The following QTMAN variants were observed in gnomAD, a reference collection of about 807,000 sequenced individuals.
The protein encoded by QTMAN is tRNA-queuosine alpha-mannosyltransferase.
the QTMAN span, among the ~76,000 whole-genome samples, chr2:144,024,889 A>C: frequency 6.6e-6 from 1 of 152,202 alleles, no homozygotes; most frequent in Admixed American, 6.5e-5. Flanking sequence ...ACTATTTAAA[A>C]AGTAATATGC....
At chr2:144,145,903 G>C in the QTMAN span, 3,322 of 233,016 alleles carry the variant, frequency 0.014, 27 homozygotes, top group Middle Eastern at 0.023. Context: ...TCTAAGTTTT[G>C]ATCTCTTAAA....
chr2:143,954,741 C>T, the QTMAN span, among the ~76,000 whole-genome samples: 1 of 151,944 alleles, frequency 6.6e-6, no homozygotes, highest in East Asian at 1.9e-4. Flanking sequence ...TTATAAAATT[C>T]ATTTCCATAA....
chr2:144,220,450 A>G, the QTMAN span, among the ~76,000 whole-genome samples: 3 of 152,202 alleles, frequency 2.0e-5, no homozygotes, highest in Non-Finnish European at 4.4e-5. Flanking sequence ...ACTTTTATCT[A>G]TTTAGTGGCC....
At chr2:144,208,333 C>T in the QTMAN span, among the ~76,000 whole-genome samples, 8 of 152,208 alleles carry the variant, frequency 5.3e-5, no homozygotes, top group East Asian at 1.4e-3. Flanking sequence ...AAATTGTTAC[C>T]CATACCCATA....
chr2:143,995,649 C>G, the QTMAN span, among the ~76,000 whole-genome samples: 24 of 152,148 alleles, frequency 1.6e-4, no homozygotes, highest in Non-Finnish European at 2.9e-4. Flanking sequence ...TCAGAACCTA[C>G]TATGCTATAA....
the QTMAN span, among the ~76,000 whole-genome samples, chr2:144,299,478 A>C: frequency 4.6e-5 from 7 of 152,172 alleles, no homozygotes; most frequent in Admixed American, 1.3e-4. Flanking sequence ...CGTATTCTCT[A>C]TATATATATT....
chr2:144,291,822 C>T, the QTMAN span, among the ~76,000 whole-genome samples: 1 of 152,174 alleles, frequency 6.6e-6, no homozygotes. Context: ...GTTCATACTA[C>T]CACTTGTCTG....
At chr2:144,182,351 T>G in the QTMAN span, among the ~76,000 whole-genome samples, 1 of 152,106 alleles carries the variant, frequency 6.6e-6, no homozygotes, top group African/African-American at 2.4e-5. Context: ...TTAGAATACC[T>G]TAGAAGTGGA....
At chr2:144,170,541 T>C in the QTMAN span, among the ~76,000 whole-genome samples, 1 of 152,142 alleles carries the variant, frequency 6.6e-6, no homozygotes, top group African/African-American at 2.4e-5. Context: ...GCAAGCAAAC[T>C]TGCCAAACCT....
At chr2:144,098,714 C>CA in the QTMAN span, among the ~76,000 whole-genome samples, 1,050 of 123,890 alleles carry the variant, frequency 8.5e-3, 10 homozygotes, top group African/African-American at 0.024. Flanking sequence ...GACTCTGTCT[C>CA]AAAAAAAAAA....
the QTMAN span, among the ~76,000 whole-genome samples, chr2:143,951,569 T>C: frequency 5.0e-4 from 76 of 151,680 alleles, 3 homozygotes; most frequent in South Asian, 0.014. Flanking sequence ...ACTTCACTAA[T>C]GTCATTCACC....
chr2:144,232,795 T>G, the QTMAN span, among the ~76,000 whole-genome samples: 1 of 152,188 alleles, frequency 6.6e-6, no homozygotes, highest in African/African-American at 2.4e-5. Flanking sequence ...CTACGAAATT[T>G]CATCGAATGC....
the QTMAN span, chr2:143,952,828 G>A: frequency 6.2e-6 from 10 of 1,605,736 alleles, no homozygotes; most frequent in Non-Finnish European, 6.0e-6. Context: ...AACACCCACA[G>A]TACACAGCTT....
At chr2:143,967,145 C>G in the QTMAN span, among the ~76,000 whole-genome samples, 1 of 152,174 alleles carries the variant, frequency 6.6e-6, no homozygotes. Context: ...AATACCTACC[C>G]TCAATGGGAG....
the QTMAN span, among the ~76,000 whole-genome samples, chr2:144,000,210 A>T: frequency 6.6e-6 from 1 of 152,060 alleles, no homozygotes. Context: ...GCTATGTCAG[A>T]GGATAAAATA....
chr2:144,258,034 G>A, the QTMAN span, among the ~76,000 whole-genome samples: 2 of 151,716 alleles, frequency 1.3e-5, no homozygotes, highest in Non-Finnish European at 2.9e-5. Context: ...GTGAAGACTG[G>A]GAGGAAAAAT....
At chr2:144,224,671 G>T in the QTMAN span, among the ~76,000 whole-genome samples, 1 of 152,184 alleles carries the variant, frequency 6.6e-6, no homozygotes, top group Non-Finnish European at 1.5e-5. Context: ...GGATTGGGGA[G>T]TATGTAGATC....
chr2:144,020,023 G>C, the QTMAN span, among the ~76,000 whole-genome samples: 1 of 152,196 alleles, frequency 6.6e-6, no homozygotes, highest in Admixed American at 6.5e-5. Context: ...TCTCTGATAT[G>C]AATGGACAGC....
At chr2:144,188,652 A>G in the QTMAN span, among the ~76,000 whole-genome samples, 1 of 152,192 alleles carries the variant, frequency 6.6e-6, no homozygotes, top group Admixed American at 6.5e-5. Flanking sequence ...CACTTCAAAA[A>G]AATAATTATA....
Sources: allele counts gnomAD v4.1 joint callset (sites outside exome capture counted in the v4.1 genomes callset), GRCh38; gene constraint gnomAD v4.1.1; transcripts MANE v1.5; gene names NCBI Gene and HGNC (gene_info 2026-07-23, HGNC 2026-07-21).